The following CEP170 variants were observed in gnomAD, a reference collection of about 807,000 sequenced individuals.
The protein encoded by CEP170 is centrosomal protein of 170 kDa.
In CEP170, 21 loss-of-function variants were observed where a neutral mutation model predicts 151.9. That is an observed-to-expected ratio of 0.14 (90% CI 0.10 to 0.20). CEP170 has a LOEUF of 0.20. Ranked by LOEUF, CEP170 falls within the 10% of genes least tolerant of loss-of-function variation. CEP170 has a pLI of 1.00. For synonymous variants in CEP170, 356 were observed against 648.8 expected (o/e 0.55, Z 6.86); for missense variants, 964 against 1,892.9 (o/e 0.51, Z 9.11).
intron 7 of CEP170, among the ~76,000 whole-genome samples, chr1:243,193,483 A>G (rs1294567768): frequency 6.6e-6 from 1 of 151,952 alleles, no homozygotes; most frequent in Non-Finnish European, 1.5e-5. Flanking sequence ...CACTATACAG[A>G]GAGCTAAATA....
intron 1 of CEP170, among the ~76,000 whole-genome samples, chr1:243,227,829 T>G (rs4658547): frequency 0.85 from 130,018 of 152,206 alleles, 55,690 homozygotes; most frequent in East Asian, 0.94. Flanking sequence ...CCGAAGGCCT[T>G]TGGACTGAGA....
chr1:243,213,862 GCCAC>G (rs1010323927), intron 3 of CEP170, among the ~76,000 whole-genome samples: 9 of 152,108 alleles, frequency 5.9e-5, no homozygotes, highest in African/African-American at 2.2e-4. Context: ...AGAGGCTTGT[GCCAC>G]CACACCCTGC....
intron 11 of CEP170, among the ~76,000 whole-genome samples, chr1:243,170,986 G>A (rs1360730951): frequency 4.6e-5 from 7 of 152,186 alleles, no homozygotes; most frequent in Admixed American, 6.5e-5. Flanking sequence ...ACTGACACAC[G>A]CGTATGTAAA....
chr1:243,160,449 T>C (rs1039010911), intron 13 of CEP170, among the ~76,000 whole-genome samples: 2 of 152,204 alleles, frequency 1.3e-5, no homozygotes, highest in African/African-American at 2.4e-5. Flanking sequence ...ACATTCCCTC[T>C]TGTGTTGTAG....
At chr1:243,231,231 A>C (rs1238209036) in intron 1 of CEP170, among the ~76,000 whole-genome samples, 1 of 151,666 alleles carries the variant, frequency 6.6e-6, no homozygotes, top group Non-Finnish European at 1.5e-5. Flanking sequence ...TTTTTTAAGC[A>C]AGCAGAAATT....
intron 2 of CEP170, among the ~76,000 whole-genome samples, 160 bp from the exon 3 acceptor site, chr1:243,221,973 A>T (rs370002773): frequency 6.6e-6 from 1 of 152,252 alleles, no homozygotes. Flanking sequence ...TATACAACAA[A>T]ATCTTTTTAG....
chr1:243,219,096 C>T (rs887201649), intron 3 of CEP170, among the ~76,000 whole-genome samples: 1 of 152,070 alleles, frequency 6.6e-6, no homozygotes, highest in Non-Finnish European at 1.5e-5. Context: ...TGCTAAAGAC[C>T]TTTGTGGCAT....
chr1:243,137,209 C>G (rs893010986), intron 16 of CEP170, among the ~76,000 whole-genome samples: 1 of 152,096 alleles, frequency 6.6e-6, no homozygotes, highest in African/African-American at 2.4e-5. Flanking sequence ...AAGCCCTAGG[C>G]CAAATCATGA....
chr1:243,241,830 A>C (rs2064873238), intron 1 of CEP170, among the ~76,000 whole-genome samples: 1 of 151,718 alleles, frequency 6.6e-6, no homozygotes, highest in African/African-American at 2.4e-5. Flanking sequence ...TAATCTCTCA[A>C]ATAGACTCCT....
intron 4 of CEP170, 52 bp downstream of exon 4, chr1:243,211,834 A>T (rs755023535): frequency 3.2e-6 from 5 of 1,558,630 alleles, no homozygotes; most frequent in Non-Finnish European, 2.6e-6. Context: ...CTTAAACCAG[A>T]GTAAACATAT....
chr1:243,216,179 A>C (rs539876085), intron 3 of CEP170, among the ~76,000 whole-genome samples: 34 of 152,306 alleles, frequency 2.2e-4, no homozygotes, highest in Admixed American at 2.2e-3. Context: ...AATTTAAAAA[A>C]TTACTTTATT....
chr1:243,194,616 G>A (rs2060520891), intron 7 of CEP170, among the ~76,000 whole-genome samples: 1 of 151,858 alleles, frequency 6.6e-6, no homozygotes, highest in South Asian at 2.1e-4. Flanking sequence ...ATGAAGTGTG[G>A]TCCAACTACA....
Position 243,185,740 on chromosome 1 carries a change from CACA to C in CEP170, c.1566+36_1566+38del. Reference sequence around the variant, plus strand: ...TAATTTCCACCAGTCAAATACACCACACAACAACTAAGATCACACTCAAATTTC... The same window carrying C: ...TAATTTCCACCAGTCAAATACACCACACAACTAAGATCACACTCAAATTTC... On this transcript the variant is annotated intron_variant, in intron 10 of 19. Coordinates refer to ENST00000366542, the MANE Select transcript of CEP170 (RefSeq NM_014812.3). The surrounding 1 kb of genome is among the most constrained non-coding windows in gnomAD (Gnocchi z 4.9). 1 of 1,545,498 alleles carries C rather than the reference CACA, an allele frequency of 6.5e-7. No homozygotes were observed. The highest frequency in any genetic ancestry group is 1.3e-5 in the South Asian group (1 of 77,900).
At position 243,191,138 on chromosome 1, in the gene CEP170, C is replaced by T. The variant is rs957369421; in HGVS notation, c.988G>A (p.Glu330Lys). 3.7e-6 allele frequency: 6 copies of T among 1,613,118 alleles called. No individual in the cohort carries two copies. Among genetic ancestry groups the T allele is most frequent in the Non-Finnish European group, 5.1e-6 (6 of 1,179,516 alleles). ...LGIQTGMMAPENKVADWLAQN... is the reference protein window; with the variant it reads ...LGIQTGMMAPKNKVADWLAQN... Reference sequence around the variant, plus strand: ...GCTAGCCAGTCAGCAACTTTGTTTTCGGGTGCCATCATTCCTGTTTGAATC... The same window carrying T: ...GCTAGCCAGTCAGCAACTTTGTTTTTGGGTGCCATCATTCCTGTTTGAATC... Residue 330 changes from glutamate to lysine, a missense_variant, in exon 8 of 20, where the codon GAA (glutamate) becomes AAA (lysine). By Grantham distance (56) the Glu-to-Lys change is moderately conservative. Coordinates refer to ENST00000366542, the MANE Select transcript of CEP170 (RefSeq NM_014812.3).
intron 1 of CEP170, among the ~76,000 whole-genome samples, chr1:243,232,962 C>T (rs1349412159): frequency 1.3e-5 from 2 of 152,190 alleles, no homozygotes; most frequent in Admixed American, 6.5e-5. Flanking sequence ...AGCTTTGGAG[C>T]TGCTACAAGT....
At chr1:243,174,799 T>C (rs1001476984) in intron 10 of CEP170, among the ~76,000 whole-genome samples, 3 of 152,278 alleles carry the variant, frequency 2.0e-5, no homozygotes, top group East Asian at 1.9e-4. Context: ...TTAACAGCAG[T>C]GAAAAAACCA....
intron 4 of CEP170, among the ~76,000 whole-genome samples, chr1:243,210,582 A>T (rs111947447): frequency 1.3e-5 from 2 of 150,956 alleles, no homozygotes; most frequent in Non-Finnish European, 3.0e-5. Flanking sequence ...TTTAAAATTT[A>T]AAAAATTGTA....
At chr1:243,146,000 C>G (rs2056437591) in intron 14 of CEP170, among the ~76,000 whole-genome samples, 1 of 151,882 alleles carries the variant, frequency 6.6e-6, no homozygotes, top group Non-Finnish European at 1.5e-5. Context: ...GAAAGGTACT[C>G]AGGAAAACTG....
chr1:243,148,625 TATGA>T (rs2056766455), intron 14 of CEP170, among the ~76,000 whole-genome samples: 1 of 152,180 alleles, frequency 6.6e-6, no homozygotes, highest in African/African-American at 2.4e-5. Flanking sequence ...AAGCAATAGT[TATGA>T]ATGATTCCAT....
Sources: allele counts gnomAD v4.1 joint callset (sites outside exome capture counted in the v4.1 genomes callset), GRCh38; gene constraint gnomAD v4.1.1; non-coding constraint Gnocchi (gnomAD v3.1); transcripts MANE v1.5; gene names NCBI Gene and HGNC (gene_info 2026-07-23, HGNC 2026-07-21).